Variants in TBKBP1 observed in about 807,000 individuals in gnomAD.
TBKBP1 encodes the protein TANK-binding kinase 1-binding protein 1.
Under a neutral mutation model 69.9 loss-of-function variants are expected in TBKBP1, and 47 were observed. The ratio of observed to expected loss-of-function variants is 0.67; its 90% CI spans 0.53 to 0.86. The LOEUF (loss-of-function observed/expected upper bound fraction) is 0.86, where lower values mean the gene tolerates loss of function less well. Among genes scored for constraint, TBKBP1 ranks in the 40% least tolerant of loss-of-function variants. The pLI, the probability that TBKBP1 is intolerant of heterozygous loss-of-function variation, is 0.00. For synonymous variants in TBKBP1, 418 were observed against 390.3 expected (o/e 1.07, Z -0.84); for missense variants, 831 against 858.6 (o/e 0.97, Z 0.40).
intron 7 of TBKBP1, among the ~76,000 whole-genome samples, chr17:47,700,761 T>C (rs1419842406): frequency 6.6e-6 from 1 of 152,012 alleles, no homozygotes; most frequent in Non-Finnish European, 1.5e-5. Flanking sequence ...CCTTGAATCC[T>C]ACCAAGAAAG....
intron 7 of TBKBP1, among the ~76,000 whole-genome samples, chr17:47,706,792 C>T (rs977101661): frequency 5.9e-5 from 9 of 151,748 alleles, no homozygotes; most frequent in Non-Finnish European, 7.4e-5. Context: ...GCCCTAACCT[C>T]ACGACTTCCC....
chr17:47,705,914 G>A (rs1427928653), intron 7 of TBKBP1, among the ~76,000 whole-genome samples: 1 of 152,202 alleles, frequency 6.6e-6, no homozygotes, highest in African/African-American at 2.4e-5. Flanking sequence ...GGCCCCAGGT[G>A]GCAGAGCTGG....
At chr17:47,697,420 C>T (rs906365069) in intron 4 of TBKBP1, among the ~76,000 whole-genome samples, 2 of 152,198 alleles carry the variant, frequency 1.3e-5, no homozygotes, top group African/African-American at 4.8e-5. Flanking sequence ...TGTCTGTGTG[C>T]ATCCTGGCCA....
chr17:47,709,528 G>C, intron 9 of TBKBP1, 76 bp downstream of exon 9: 1 of 1,415,674 alleles, frequency 7.1e-7, no homozygotes, highest in Non-Finnish European at 9.2e-7. Context: ...ACCCTCCGTT[G>C]AGGGCCTTGC....
At chr17:47,705,441 C>T (rs749045978) in intron 7 of TBKBP1, among the ~76,000 whole-genome samples, 4 of 152,210 alleles carry the variant, frequency 2.6e-5, no homozygotes, top group East Asian at 3.8e-4. Flanking sequence ...ACAGATCATC[C>T]GATTCTTTTC....
rs750720400 is a variant in TBKBP1 at position 47,696,102 on chromosome 17, C to T, written c.-11C>T. 3 of 1,601,914 alleles carry T rather than the reference C, an allele frequency of 1.9e-6. No homozygotes were observed. The highest frequency in any genetic ancestry group is 2.2e-5 in the East Asian group (1 of 44,734). On this transcript the variant is annotated 5_prime_UTR_variant, in exon 2 of 10. Transcript: ENST00000578982. ...AGGAGGCCCCGTGTGGGCCGCGGCC[C>T]GGCCCTCACCATGGAGTCCATGTTC... is the stretch of plus-strand genomic sequence containing the variant.
intron 9 of TBKBP1, 67 bp downstream of exon 9, chr17:47,709,519 C>T (rs1455649424): frequency 7.0e-6 from 10 of 1,424,610 alleles, no homozygotes; most frequent in African/African-American, 6.0e-5. Context: ...CAGCGCCTCA[C>T]CCTCCGTTGA....
At chr17:47,707,475 T>C (rs2031738216) in intron 7 of TBKBP1, among the ~76,000 whole-genome samples, 1 of 152,234 alleles carries the variant, frequency 6.6e-6, no homozygotes, top group Non-Finnish European at 1.5e-5. Context: ...CATTATCCAC[T>C]TACTGAACAT....
Position 47,709,202 on chromosome 17 carries a change from G to A in TBKBP1, c.1469G>A (p.Arg490Gln), listed in dbSNP as rs1212399875. 1.3e-6 allele frequency: 2 copies of A among 1,513,736 alleles called. No individual in the cohort carries two copies. The highest frequency in any genetic ancestry group is 1.2e-5 in the South Asian group (1 of 81,268). 93.8% of individuals were successfully genotyped at this position (1,513,736 alleles called of 1,614,324 possible). The change falls in exon 9 of 10, where the codon CGG becomes CAG. Residue 490 changes from arginine (R) to glutamine (Q), a missense_variant. Arg to Gln is a conservative substitution (Grantham distance 43). Coordinates refer to ENST00000578982, the MANE Select transcript of TBKBP1 (RefSeq NM_001394755.1). ...QAEAATLPKPRAYGSELYGPG... is the reference protein window; with the variant it reads ...QAEAATLPKPQAYGSELYGPG... ...GAAGCGGCCACTCTCCCCAAGCCCC[G>A]GGCCTACGGCAGCGAGCTCTACGGC...
Position 47,701,688 on chromosome 17 carries a change from G to A in TBKBP1, c.872+1991G>A, listed in dbSNP as rs1255602405. Among the ~76,000 whole-genome samples, 86 of 152,180 alleles carry A rather than the reference G, an allele frequency of 5.7e-4. 1 individual carries two copies. The highest frequency in any genetic ancestry group is 5.6e-3 in the Admixed American group (86 of 15,280). ...TGAGGCGGTGGGTAGAAGCAGAGAAGGGGCAGGGCTCCCAGGGGCCAAGGT... is the reference window on the plus strand; with the variant it reads ...TGAGGCGGTGGGTAGAAGCAGAGAAAGGGCAGGGCTCCCAGGGGCCAAGGT... On this transcript the variant is annotated intron_variant, in intron 7 of 9. Transcript: ENST00000578982.
chr17:47,696,311 C>T lies in TBKBP1; in HGVS notation c.199C>T (p.Arg67Cys), dbSNP rs764036278. The T allele has an allele frequency of 1.7e-5, 28 of 1,613,092 alleles. No individual in the cohort carries two copies. The highest frequency in any genetic ancestry group is 2.2e-5 in the South Asian group (2 of 91,094). ...GGAGAGGGAGAACGCCACCCTCCGA[C>T]GCCGCCTCAAAGTCTACGAGATCAA... ...GLERENATLR[R>C]RLKVYEIKYP... Residue 67 changes from arginine (R) to cysteine (C), a missense_variant, in exon 2 of 10, where the codon CGC becomes TGC. Coordinates refer to ENST00000578982, the MANE Select transcript of TBKBP1 (RefSeq NM_001394755.1).
Position 47,695,107 on chromosome 17 carries a change from C to T in TBKBP1, c.-35+913C>T, listed in dbSNP as rs542485387. 2.0e-5 allele frequency among the ~76,000 whole-genome samples: 3 copies of T among 152,300 alleles called. No individual in the cohort carries two copies. In the South Asian group the frequency reaches 6.2e-4, roughly 32 times the overall value. On this transcript the variant is annotated intron_variant, in intron 1 of 9. Transcript: ENST00000578982. Reference sequence around the variant, plus strand: ...ACGTGCCACCCTGCCCACGCGCTCACGCACGCGTGCACACACCAGCCTCCT... The same window carrying T: ...ACGTGCCACCCTGCCCACGCGCTCATGCACGCGTGCACACACCAGCCTCCT...
intron 4 of TBKBP1, among the ~76,000 whole-genome samples, chr17:47,697,536 C>G (rs935249583): frequency 2.0e-5 from 3 of 151,890 alleles, no homozygotes; most frequent in Non-Finnish European, 2.9e-5. Context: ...CTGGGGTGAC[C>G]CTGTGCCTGT....
At position 47,708,327 on chromosome 17, in the gene TBKBP1, C is replaced by T; in HGVS notation, c.873-67C>T. 1.3e-6 allele frequency: 2 copies of T among 1,548,280 alleles called. No individual in the cohort carries two copies. Among genetic ancestry groups the T allele is most frequent in the Non-Finnish European group, 1.8e-6 (2 of 1,126,990 alleles). On this transcript the variant is annotated intron_variant, in intron 7 of 9. Coordinates refer to ENST00000578982, the MANE Select transcript of TBKBP1 (RefSeq NM_001394755.1). The surrounding 1 kb of genome is among the most constrained non-coding windows in gnomAD (Gnocchi z 4.4). ...GCCAGATGCTGGGGTAGAGCCAGTTCTTCCTCCACAGCTGGGACGGTAGAC... is the reference window on the plus strand; with the variant it reads ...GCCAGATGCTGGGGTAGAGCCAGTTTTTCCTCCACAGCTGGGACGGTAGAC...
At chr17:47,707,598 G>C (rs751734015) in intron 7 of TBKBP1, among the ~76,000 whole-genome samples, 4 of 152,210 alleles carry the variant, frequency 2.6e-5, no homozygotes, top group Admixed American at 6.5e-5. Context: ...TTTGAGAAGT[G>C]CCTGGTGTGA....
chr17:47,709,460 G>A lies in TBKBP1; in HGVS notation c.1719+8G>A. 17 of 1,511,182 alleles carry A rather than the reference G, an allele frequency of 1.1e-5. No individual in the cohort carries two copies. Among genetic ancestry groups the A allele is most frequent in the Non-Finnish European group, 1.5e-5 (17 of 1,136,990 alleles). The allele number at this position is 1,511,182 out of a possible 1,614,324, so 93.6% of individuals were successfully genotyped here. On this transcript the variant is annotated splice_region_variant and intron_variant, in intron 9 of 9. Coordinates refer to ENST00000578982, the MANE Select transcript of TBKBP1 (RefSeq NM_001394755.1). ...TCCTGGCCGTCCATCAACGTGAGTG[G>A]GGCGCCCGCGTTCCGCCCACCCCGG...
chr17:47,696,883 T>A, intron 3 of TBKBP1, 50 bp downstream of exon 3: 2 of 1,602,592 alleles, frequency 1.2e-6, no homozygotes, highest in South Asian at 2.2e-5. Context: ...CTCCAGTCTG[T>A]TTCTGATACC....
At position 47,709,032 on chromosome 17, in the gene TBKBP1, G is replaced by A. The variant is rs1488531858; in HGVS notation, c.1299G>A (p.Pro433=). The A allele has an allele frequency of 7.2e-6, 9 of 1,246,006 alleles. No individual in the cohort carries two copies. Among genetic ancestry groups the A allele is most frequent in the South Asian group, 4.4e-5 (2 of 45,468 alleles). 77.2% of individuals were successfully genotyped at this position (1,246,006 alleles called of 1,614,324 possible). The change falls in exon 9 of 10, where the codon CCG becomes CCA. Residue 433 remains proline (P), a synonymous_variant. Transcript: ENST00000578982. ...AGCCCCGGCCACCGCCGCCGCCCCC[G>A]CCGGGCGAGAGGACGCTGGCCGAGC... ...APQPRPPPPP[P]PGERTLAERA...
rs770478310 is a variant in TBKBP1 at position 47,699,330 on chromosome 17, G to A, written c.645G>A (p.Pro215=). The A allele has an allele frequency of 4.1e-5, 63 of 1,527,242 alleles. No individual in the cohort carries two copies. Among genetic ancestry groups the A allele is most frequent in the African/African-American group, 5.6e-5 (4 of 71,772 alleles). 94.6% of individuals were successfully genotyped at this position (1,527,242 alleles called of 1,614,324 possible). The part of the protein sequence containing the change: ...GGSGLSHAGW[P]GSTPSVSDLE... ...CCTGTCCACCGACAGCAGGCTGGCC[G>A]GGCTCCACACCCAGTGTGAGTGACC... Residue 215 remains proline, a synonymous_variant, in exon 6 of 10, where the codon CCG becomes CCA. Coordinates refer to ENST00000578982, the MANE Select transcript of TBKBP1 (RefSeq NM_001394755.1).
Sources: gnomAD v4.1 joint callset for allele counts (sites outside exome capture counted in the v4.1 genomes callset) on GRCh38, gnomAD v4.1.1 for gene constraint, Gnocchi (gnomAD v3.1) non-coding constraint, MANE v1.5 for transcripts, NCBI Gene and HGNC (gene_info 2026-07-23, HGNC 2026-07-21) for gene names.